MAP3K13: variants seen among roughly 807,000 people sequenced by gnomAD.
MAP3K13 encodes leucine zipper-bearing kinase.
A neutral mutation model predicts 104.0 loss-of-function variants in MAP3K13; 52 were observed. That is an observed-to-expected ratio of 0.50 (90% CI 0.40 to 0.63). The LOEUF (loss-of-function observed/expected upper bound fraction) is 0.63. Among genes scored for constraint, MAP3K13 ranks in the 20% least tolerant of loss-of-function variants. The pLI, the probability that MAP3K13 is intolerant of heterozygous loss-of-function variation, is 0.00. For synonymous variants in MAP3K13, 394 were observed against 442.2 expected (o/e 0.89, Z 1.37); for missense variants, 914 against 1,218.5 (o/e 0.75, Z 3.72).
intron 1 of MAP3K13, among the ~76,000 whole-genome samples, chr3:185,375,147 C>A (rs371587016): frequency 1.3e-5 from 2 of 152,086 alleles, no homozygotes; most frequent in Admixed American, 6.6e-5. Flanking sequence ...AAGCCCAAAC[C>A]GAGGAATTAT....
chr3:185,316,752 G>A (rs1013155357), intron 2 of MAP3K13, among the ~76,000 whole-genome samples: 1 of 152,146 alleles, frequency 6.6e-6, no homozygotes, highest in Admixed American at 6.6e-5. Flanking sequence ...CTCTCCCTCT[G>A]TCCCCAACCA....
intron 2 of MAP3K13, among the ~76,000 whole-genome samples, chr3:185,302,640 A>G (rs1721148525): frequency 6.6e-6 from 1 of 152,130 alleles, no homozygotes; most frequent in South Asian, 2.1e-4. Flanking sequence ...CAGATTGGTC[A>G]TTGTTAGTGT....
In MAP3K13 at chr3:185,473,530, T is replaced by C; in HGVS notation, c.2199T>C (p.Leu733=). The C allele has an allele frequency of 6.2e-7, 1 of 1,614,214 alleles. No homozygotes were observed. The highest frequency in any genetic ancestry group is 8.5e-7 in the Non-Finnish European group (1 of 1,180,036). Residue 733 remains leucine (L), a synonymous_variant, in exon 11 of 14, where the codon CTT becomes CTC. Coordinates refer to ENST00000265026, the MANE Select transcript of MAP3K13 (RefSeq NM_004721.5). The surrounding 1 kb of genome is among the most constrained non-coding windows in gnomAD (Gnocchi z 4.9). ...AGGCTGACGCTTATGACCCCTGCCT[T>C]CAGTGCAGGCCAGAACAGTATGGGT... ...CCQADAYDPC[L]QCRPEQYGSL...
At chr3:185,285,817 C>T (rs1483063684) in intron 2 of MAP3K13, among the ~76,000 whole-genome samples, 4 of 152,176 alleles carry the variant, frequency 2.6e-5, no homozygotes, top group Admixed American at 6.5e-5. Context: ...TCTTATTTTC[C>T]TGTAAAGTTG....
intron 2 of MAP3K13, among the ~76,000 whole-genome samples, chr3:185,338,331 A>G: frequency 6.6e-6 from 1 of 151,056 alleles, no homozygotes. Flanking sequence ...CTCTCTCAAA[A>G]AAAAAAAAAA....
At chr3:185,387,369 C>CT (rs1711757576) in intron 1 of MAP3K13, among the ~76,000 whole-genome samples, 1 of 152,144 alleles carries the variant, frequency 6.6e-6, no homozygotes, top group Non-Finnish European at 1.5e-5. Flanking sequence ...CTTCCTCTCT[C>CT]TCTATGTGAT....
At chr3:185,401,633 T>G (rs1164832334) in intron 1 of MAP3K13, among the ~76,000 whole-genome samples, 2 of 152,234 alleles carry the variant, frequency 1.3e-5, no homozygotes, top group African/African-American at 4.8e-5. Flanking sequence ...TCCCTCTTTT[T>G]AAAATAATTG....
intron 1 of MAP3K13, among the ~76,000 whole-genome samples, chr3:185,380,409 G>T (rs1466803262): frequency 1.3e-5 from 2 of 151,448 alleles, no homozygotes; most frequent in African/African-American, 4.9e-5. Flanking sequence ...TACTCAGGAG[G>T]CTGAGGCAGG....
At chr3:185,337,842 T>C (rs1469674901) in intron 2 of MAP3K13, among the ~76,000 whole-genome samples, 2 of 151,986 alleles carry the variant, frequency 1.3e-5, no homozygotes, top group Non-Finnish European at 2.9e-5. Flanking sequence ...GGGGACACAA[T>C]AGCTCCCAAG....
rs1713871062 is a variant in MAP3K13, at chr3:185,417,790, G to A, written c.-85-10707G>A. ...GTTCCGGCGCATGGTCTTTGCATAT[G>A]GGTTTAGCTTCAACATGATTCTCAA... On this transcript the variant is annotated intron_variant, in intron 1 of 13. Coordinates refer to ENST00000265026, the MANE Select transcript of MAP3K13 (RefSeq NM_004721.5). 3.1e-6 allele frequency: 5 copies of A among 1,612,014 alleles called. No homozygotes were observed. In the Admixed American group the frequency reaches 5.0e-5, roughly 16 times the overall value.
chr3:185,383,116 GT>G (rs57028817), intron 1 of MAP3K13, among the ~76,000 whole-genome samples: 47,493 of 144,840 alleles, frequency 0.33, 7,542 homozygotes, highest in East Asian at 0.39. Context: ...GCGGTGTTTG[GT>G]TTTTTTGTTC....
rs1018629113 is a variant in MAP3K13 at position 185,315,494 on chromosome 3, C to T, written c.-86+29851C>T. Among the ~76,000 whole-genome samples the T allele has an allele frequency of 6.6e-6, 1 of 151,994 alleles. No individual in the cohort carries two copies. The highest frequency in any genetic ancestry group is 2.1e-4 in the South Asian group (1 of 4,820). On this transcript the variant is annotated intron_variant, in intron 2 of 14. Transcript: ENST00000424227. This position sits in a 1 kb window ranked among gnomAD's most constrained non-coding sequence, Gnocchi z 4.3. The stretch of plus-strand genomic sequence containing the variant: ...GGTGATGCTGATACTGCTGGTCCAG[C>T]GACCATTAATTGAGAACGACTGCAT...
At chr3:185,437,777 A>G in intron 3 of MAP3K13, 147 bp downstream of exon 3, 1 of 758,904 alleles carries the variant, frequency 1.3e-6, no homozygotes, top group Non-Finnish European at 2.0e-6. Flanking sequence ...TCAAGGAACT[A>G]TTAAATTGGA....
At position 185,398,846 on chromosome 3, in the gene MAP3K13, T is replaced by C. The variant is rs191871707; in HGVS notation, c.-85-29651T>C. On this transcript the variant is annotated intron_variant, in intron 1 of 13. Coordinates refer to ENST00000265026, the MANE Select transcript of MAP3K13 (RefSeq NM_004721.5). ...CAATACAAATATACTCTGATATCCA[T>C]GGAAATAATAGCTGGTCTGAAATGC... Among the ~76,000 whole-genome samples the C allele has an allele frequency of 2.1e-3, 315 of 152,346 alleles. 1 individual carries two copies. Among genetic ancestry groups the C allele is most frequent in the African/African-American group, 6.8e-3 (281 of 41,578 alleles).
At chr3:185,305,916 G>A (rs1721274529) in intron 2 of MAP3K13, among the ~76,000 whole-genome samples, 1 of 152,108 alleles carries the variant, frequency 6.6e-6, no homozygotes, top group Admixed American at 6.6e-5. Context: ...TTCAACTCTT[G>A]TCTCCCTTCC....
intron 1 of MAP3K13, among the ~76,000 whole-genome samples, chr3:185,374,528 C>G (rs907286619): frequency 2.0e-5 from 3 of 151,980 alleles, no homozygotes; most frequent in Non-Finnish European, 4.4e-5. Context: ...ACGGAAGATA[C>G]GAGGTCCGAA....
intron 1 of MAP3K13, among the ~76,000 whole-genome samples, chr3:185,283,550 G>A (rs1720388474): frequency 6.6e-6 from 1 of 152,178 alleles, no homozygotes; most frequent in Admixed American, 6.5e-5. Context: ...CCAAATTTCA[G>A]TATTCTAACC....
chr3:185,347,070 T>C (rs1157642456), intron 2 of MAP3K13, among the ~76,000 whole-genome samples: 1 of 143,764 alleles, frequency 7.0e-6, no homozygotes, highest in East Asian at 2.2e-4. Flanking sequence ...CACTGCAACC[T>C]CTACCTCCCG....
chr3:185,435,376 C>G (rs1714976967), intron 2 of MAP3K13, among the ~76,000 whole-genome samples: 1 of 152,146 alleles, frequency 6.6e-6, no homozygotes, highest in Admixed American at 6.6e-5. Context: ...CCATCGATAT[C>G]TGTGTACCAC....
Sources: allele counts gnomAD v4.1 joint callset (sites outside exome capture counted in the v4.1 genomes callset), GRCh38; gene constraint gnomAD v4.1.1; non-coding constraint Gnocchi (gnomAD v3.1); transcripts MANE v1.5; gene names NCBI Gene and HGNC (gene_info 2026-07-23, HGNC 2026-07-21).